Variants in CDKAL1 observed in about 807,000 individuals in gnomAD.
CDKAL1 encodes CDKAL1 threonylcarbamoyladenosine tRNA methylthiotransferase.
Under a neutral mutation model 68.2 loss-of-function variants are expected in CDKAL1, and 32 were observed. The ratio of observed to expected loss-of-function variants is 0.47; its 90% CI spans 0.35 to 0.63. The LOEUF (loss-of-function observed/expected upper bound fraction) is 0.63, where lower values mean the gene tolerates loss of function less well. CDKAL1 is among the 30% of genes least tolerant of loss of function. The probability of loss-of-function intolerance (pLI) is 0.00; values close to 1 mark genes in which losing one functional copy is unlikely to be tolerated. For synonymous variants in CDKAL1, 234 were observed against 244.3 expected (o/e 0.96, Z 0.39); for missense variants, 606 against 696.7 (o/e 0.87, Z 1.47).
At chr6:20,975,944 G>A (rs1765825836) in intron 10 of CDKAL1, among the ~76,000 whole-genome samples, 1 of 152,108 alleles carries the variant, frequency 6.6e-6, no homozygotes, top group Admixed American at 6.5e-5. Flanking sequence ...TTTGGGTTTT[G>A]ACAAATGTAT....
At chr6:20,728,198 G>T (rs572047508) in intron 5 of CDKAL1, among the ~76,000 whole-genome samples, 1 of 152,246 alleles carries the variant, frequency 6.6e-6, no homozygotes, top group East Asian at 1.9e-4. Context: ...TCAGTGGAGG[G>T]TGGTCTTTCC....
intron 13 of CDKAL1, among the ~76,000 whole-genome samples, chr6:21,147,436 A>G (rs2151043937): frequency 6.6e-6 from 1 of 152,294 alleles, no homozygotes. Context: ...TCCGTGGGAG[A>G]TCAGACCATC....
intron 8 of CDKAL1, among the ~76,000 whole-genome samples, chr6:20,784,372 A>ATTATT (rs1775566613): frequency 8.6e-6 from 1 of 116,272 alleles, no homozygotes; most frequent in African/African-American, 3.2e-5. Flanking sequence ...TAATTATTGC[A>ATTATT]TTATTTTTAA....
At chr6:21,190,789 C>T (rs1180036062) in intron 13 of CDKAL1, among the ~76,000 whole-genome samples, 1 of 152,204 alleles carries the variant, frequency 6.6e-6, no homozygotes, top group Non-Finnish European at 1.5e-5. Context: ...AAACAAATGT[C>T]TATCTTACAC....
chr6:20,604,069 C>T (rs1305068894), intron 4 of CDKAL1, among the ~76,000 whole-genome samples: 2 of 152,048 alleles, frequency 1.3e-5, no homozygotes, highest in Non-Finnish European at 2.9e-5. Flanking sequence ...TGTCCACAAA[C>T]TGTGAAAATT....
intron 4 of CDKAL1, among the ~76,000 whole-genome samples, chr6:20,584,809 T>G (rs1350116946): frequency 6.6e-6 from 1 of 152,096 alleles, no homozygotes; most frequent in Non-Finnish European, 1.5e-5. Context: ...ATACCACTTT[T>G]CCCCGCACCA....
At chr6:20,901,758 T>C (rs548422612) in intron 9 of CDKAL1, among the ~76,000 whole-genome samples, 2 of 151,918 alleles carry the variant, frequency 1.3e-5, no homozygotes, top group South Asian at 2.1e-4. Context: ...CTCTTTTCTT[T>C]CCTAGTTGTT....
intron 10 of CDKAL1, among the ~76,000 whole-genome samples, chr6:20,986,508 G>A (rs1766461371): frequency 6.6e-6 from 1 of 151,842 alleles, no homozygotes; most frequent in South Asian, 2.1e-4. Context: ...ATTACTTTAT[G>A]TGCACTACTT....
rs370148809 is a variant in CDKAL1, at chr6:20,618,256, A to C, written c.287-31037A>C. Among the ~76,000 whole-genome samples, 28 of 151,978 alleles carry C rather than the reference A, an allele frequency of 1.8e-4. No homozygotes were observed. In the East Asian group the frequency reaches 4.1e-3, roughly 22 times the overall value. ...GTTCATATCCTTTGCCCACCTTTTGATGGGGTTGTTTTTTTCTTGTAAATT... is the reference window on the plus strand; with the variant it reads ...GTTCATATCCTTTGCCCACCTTTTGCTGGGGTTGTTTTTTTCTTGTAAATT... On this transcript the variant is annotated intron_variant, in intron 4 of 15. Transcript: ENST00000274695.
At chr6:21,085,927 G>A (rs975914701) in intron 12 of CDKAL1, among the ~76,000 whole-genome samples, 5 of 152,192 alleles carry the variant, frequency 3.3e-5, no homozygotes, top group Non-Finnish European at 7.3e-5. Context: ...AAACAGTGTT[G>A]TTATGAAGTC....
intron 5 of CDKAL1, among the ~76,000 whole-genome samples, chr6:20,670,741 A>G (rs1236367838): frequency 6.6e-6 from 1 of 152,160 alleles, no homozygotes; most frequent in Admixed American, 6.5e-5. Context: ...TCTGTATGAA[A>G]CCCATGGAAA....
chr6:20,656,945 A>G (rs1485818075), intron 5 of CDKAL1, among the ~76,000 whole-genome samples: 1 of 152,238 alleles, frequency 6.6e-6, no homozygotes, highest in East Asian at 1.9e-4. Context: ...TCTTATTAAG[A>G]TAACACTTAA....
At chr6:21,108,523 A>G (rs1773966173) in intron 13 of CDKAL1, 60 bp downstream of exon 13, 2 of 1,068,432 alleles carry the variant, frequency 1.9e-6, no homozygotes, top group Non-Finnish European at 2.8e-6. Context: ...GTATAGTACA[A>G]TTTTCACCAA....
intron 4 of CDKAL1, among the ~76,000 whole-genome samples, chr6:20,561,381 G>A (rs1195593061): frequency 7.2e-6 from 1 of 139,216 alleles, no homozygotes; most frequent in African/African-American, 2.7e-5. Flanking sequence ...AGTGGAGATT[G>A]CAGTGAGCTG....
At chr6:20,659,693 T>G (rs1343401748) in intron 5 of CDKAL1, among the ~76,000 whole-genome samples, 1 of 152,180 alleles carries the variant, frequency 6.6e-6, no homozygotes, top group African/African-American at 2.4e-5. Context: ...CACTGCTTCC[T>G]TGACTTCGCC....
chr6:21,000,068 T>C (rs1767349299), intron 10 of CDKAL1, among the ~76,000 whole-genome samples, 159 bp from the exon 11 acceptor site: 2 of 152,358 alleles, frequency 1.3e-5, no homozygotes, highest in South Asian at 4.1e-4. Context: ...CCAAATCTCA[T>C]CATAGAATAT....
intron 9 of CDKAL1, among the ~76,000 whole-genome samples, chr6:20,934,616 A>G (rs1561896338): frequency 6.6e-6 from 1 of 152,088 alleles, no homozygotes; most frequent in South Asian, 2.1e-4. Flanking sequence ...AGGCTGAGAC[A>G]GAAGGAACAC....
At chr6:20,912,675 T>A (rs567555748) in intron 9 of CDKAL1, among the ~76,000 whole-genome samples, 1 of 152,284 alleles carries the variant, frequency 6.6e-6, no homozygotes, top group Non-Finnish European at 1.5e-5. Flanking sequence ...GTGTTAATCT[T>A]TTAACAGAAT....
intron 9 of CDKAL1, among the ~76,000 whole-genome samples, chr6:20,923,646 T>G (rs1183048082): frequency 6.6e-6 from 1 of 152,156 alleles, no homozygotes; most frequent in Non-Finnish European, 1.5e-5. Flanking sequence ...ATATTGACAT[T>G]GACTTAGAGG....
Sources: gnomAD v4.1 joint callset for allele counts (sites outside exome capture counted in the v4.1 genomes callset) on GRCh38, gnomAD v4.1.1 for gene constraint, MANE v1.5 for transcripts, NCBI Gene and HGNC (gene_info 2026-07-23, HGNC 2026-07-21) for gene names.